GSTM2: variants seen among roughly 807,000 people sequenced by gnomAD.
The protein encoded by GSTM2 is GST class-mu 2.
A neutral mutation model predicts 33.3 loss-of-function variants in GSTM2; 33 were observed. The observed-to-expected ratio is 0.99, with a 90% CI of 0.75 to 1.33. The LOEUF is 1.33. Ranked by LOEUF, GSTM2 falls within the 40% of genes most tolerant of loss-of-function variation. The probability of loss-of-function intolerance (pLI) is 0.00; values close to 1 mark genes in which losing one functional copy is unlikely to be tolerated. For synonymous variants in GSTM2, 93 were observed against 95.6 expected (o/e 0.97, Z 0.16); for missense variants, 213 against 265.8 (o/e 0.80, Z 1.38).
At position 109,682,433 on chromosome 1, in the gene GSTM2, G is replaced by A. The variant is rs1158047722; in HGVS notation, c.567+10850G>A. 4.3e-5 allele frequency among the ~76,000 whole-genome samples: 3 copies of A among 70,578 alleles called. No individual in the cohort carries two copies. The Admixed American group carries it at 4.3e-4, about 10-fold the overall frequency. 46.3% of individuals were successfully genotyped at this position (70,578 alleles called of 152,430 possible). ...TTTTTTGTATTGTCAGTGGAGACAGGGTTTCACCATGTTAGCCAGGATGGT... is the reference window on the plus strand; with the variant it reads ...TTTTTTGTATTGTCAGTGGAGACAGAGTTTCACCATGTTAGCCAGGATGGT... On this transcript the variant is annotated intron_variant, in intron 7 of 7. Transcript: ENST00000369831.
chr1:109,677,082 A>G (rs1325731676), downstream of GSTM2, among the ~76,000 whole-genome samples: 2 of 152,254 alleles, frequency 1.3e-5, no homozygotes, highest in East Asian at 3.8e-4. Flanking sequence ...CACTAAGCTC[A>G]TGAGAAGGTG....
chr1:109,676,413 G>A (rs1478470819), downstream of GSTM2, among the ~76,000 whole-genome samples: 6 of 152,188 alleles, frequency 3.9e-5, no homozygotes, highest in Non-Finnish European at 7.3e-5. Context: ...GTGTGGTGGT[G>A]TGATCTCGTC....
At position 109,673,085 on chromosome 1, in the gene GSTM2, G is replaced by T. The variant is rs1476446738; in HGVS notation, c.567+1502G>T. On this transcript the variant is annotated intron_variant, in intron 7 of 7. Transcript: ENST00000241337. Reference sequence around the variant, plus strand: ...GGGTTTTGCTATGTTGGCCAGGCTGGTCTCAAACTCCTGACCTCAGGTGAT... The same window carrying T: ...GGGTTTTGCTATGTTGGCCAGGCTGTTCTCAAACTCCTGACCTCAGGTGAT... The T allele has an allele frequency of 4.1e-6, 5 of 1,216,128 alleles. No homozygotes were observed. In the Admixed American group the frequency reaches 9.9e-5, roughly 24 times the overall value. The allele number at this position is 1,216,128 out of a possible 1,614,324, so 75.3% of individuals were successfully genotyped here.
intron 7 of GSTM2, among the ~76,000 whole-genome samples, chr1:109,682,549 A>G (rs1440109615): frequency 8.1e-6 from 1 of 123,312 alleles, no homozygotes; most frequent in African/African-American, 2.6e-5. Flanking sequence ...AACAGAATAA[A>G]CTATTACATA....
intron 1 of GSTM2, 43 bp from the exon 2 acceptor site, chr1:109,668,382 G>A (rs1557957400): frequency 5.6e-6 from 9 of 1,600,336 alleles, no homozygotes; most frequent in African/African-American, 1.3e-5. Context: ...ACAAAGTCAG[G>A]GACCCTCCAT....
chr1:109,668,621 TCCCTGAG>T (rs1647418223), intron 2 of GSTM2, 121 bp downstream of exon 2: 2 of 1,171,762 alleles, frequency 1.7e-6, no homozygotes, highest in African/African-American at 3.0e-5. Context: ...GGCTGTCCCT[TCCCTGAG>T]CCCTGGTGAG....
intron 7 of GSTM2, chr1:109,673,335 G>A (rs1164167378): frequency 5.3e-6 from 8 of 1,513,576 alleles, no homozygotes; most frequent in Admixed American, 1.9e-5. Flanking sequence ...TGAGTGCAGT[G>A]AGAGGCCTGC....
chr1:109,669,477 A>C lies in GSTM2; in HGVS notation c.266A>C (p.Glu89Ala). Reference protein sequence around the residue: ...YIARKHNLCGESEKEQIREDI... With the variant: ...YIARKHNLCGASEKEQIREDI... ...ATCTGCTTTACGAGGGTAGGCGGGG[A>C]ATCAGAAAAGGAGCAGATTCGCGAA... Residue 89 changes from glutamate (E) to alanine (A), a missense_variant, in exon 5 of 8, where the codon GAA (glutamate) becomes GCA (alanine). Coordinates refer to ENST00000241337, the MANE Select transcript of GSTM2 (RefSeq NM_000848.4). 6.2e-7 allele frequency: 1 copy of C among 1,613,752 alleles called. No homozygotes were observed. The highest frequency in any genetic ancestry group is 2.2e-5 in the East Asian group (1 of 44,856).
At chr1:109,680,564 G>A (rs1033578402) in intron 7 of GSTM2, among the ~76,000 whole-genome samples, 19 of 108,688 alleles carry the variant, frequency 1.7e-4, no homozygotes, top group Non-Finnish European at 3.2e-4. Flanking sequence ...GTCTCTGGCA[G>A]GCTTGGAAGG....
At chr1:109,679,399 A>G (rs1433610067), downstream of GSTM2, among the ~76,000 whole-genome samples, 1 of 152,200 alleles carries the variant, frequency 6.6e-6, no homozygotes. Context: ...TCAACCTGGG[A>G]GGCAGAGGTT....
rs1282254862 is a variant in GSTM2 at position 109,675,253 on chromosome 1, AGGCCTACCTGATG to A, written c.*419_*431del. ...GCTCCTGCAGCATGGTCCCTGCCTT[AGGCCTACCTGATG>A]GAAGTAAAGCCTCAACCACATTTGC... On this transcript the variant is annotated 3_prime_UTR_variant, in exon 8 of 8. Coordinates refer to ENST00000241337, the MANE Select transcript of GSTM2 (RefSeq NM_000848.4). 1 of 238,690 alleles carries A rather than the reference AGGCCTACCTGATG, an allele frequency of 4.2e-6. No homozygotes were observed. Among genetic ancestry groups the A allele is most frequent in the Non-Finnish European group, 7.4e-6 (1 of 134,868 alleles). 14.8% of individuals were successfully genotyped at this position (238,690 alleles called of 1,614,324 possible).
chr1:109,677,699 C>G (rs943350784), downstream of GSTM2, among the ~76,000 whole-genome samples: 1 of 152,180 alleles, frequency 6.6e-6, no homozygotes, highest in African/African-American at 2.4e-5. Context: ...TAAGTTTTCT[C>G]TCTTTATCTG....
downstream of GSTM2, among the ~76,000 whole-genome samples, chr1:109,676,798 A>G (rs1647716329): frequency 6.6e-6 from 1 of 152,176 alleles, no homozygotes; most frequent in Admixed American, 6.5e-5. Context: ...CCTGACAGCA[A>G]TCTGCATTGC....
intron 1 of GSTM2, 95 bp from the exon 2 acceptor site, chr1:109,668,330 G>C: frequency 6.2e-6 from 9 of 1,457,734 alleles, no homozygotes; most frequent in Non-Finnish European, 7.7e-6. Flanking sequence ...GGTGAGGCAG[G>C]AACGAGAGGA....
intron 7 of GSTM2, among the ~76,000 whole-genome samples, chr1:109,680,436 G>T (rs1647836481): frequency 1.3e-5 from 2 of 149,786 alleles, no homozygotes; most frequent in African/African-American, 4.9e-5. Context: ...ACTCCAAGGA[G>T]ATTTTGAGGG....
downstream of GSTM2, among the ~76,000 whole-genome samples, chr1:109,677,404 G>C (rs1416586057): frequency 6.6e-6 from 1 of 152,154 alleles, no homozygotes; most frequent in African/African-American, 2.4e-5. Context: ...CAAATTCCAT[G>C]AACAAATGAA....
Position 109,675,214 on chromosome 1 carries a change from G to T in GSTM2, c.*378G>T. ...GTTGCATGAAGGAGCAGCATTGACT[G>T]GTTTACAGGCCCTGCTCCTGCAGCA... On this transcript the variant is annotated 3_prime_UTR_variant, in exon 8 of 8. Transcript: ENST00000241337. 3.3e-6 allele frequency: 1 copy of T among 306,400 alleles called. No individual in the cohort carries two copies. The highest frequency in any genetic ancestry group is 3.2e-5 in the South Asian group (1 of 31,552). 19.0% of individuals were successfully genotyped at this position (306,400 alleles called of 1,614,324 possible).
downstream of GSTM2, among the ~76,000 whole-genome samples, chr1:109,680,047 C>T (rs926462411): frequency 2.2e-4 from 34 of 152,214 alleles, no homozygotes; most frequent in African/African-American, 7.2e-4. Context: ...CTAACACCAT[C>T]GCCTCCCACC....
At chr1:109,676,611 A>G (rs1647711350), downstream of GSTM2, among the ~76,000 whole-genome samples, 1 of 152,154 alleles carries the variant, frequency 6.6e-6, no homozygotes, top group Non-Finnish European at 1.5e-5. Flanking sequence ...TCGGCTTCCC[A>G]AAGTTCTGGA....
Sources: allele counts gnomAD v4.1 joint callset (sites outside exome capture counted in the v4.1 genomes callset), GRCh38; gene constraint gnomAD v4.1.1; transcripts MANE v1.5; gene names NCBI Gene and HGNC (gene_info 2026-07-23, HGNC 2026-07-21).